SUMF1: variants seen among roughly 807,000 people sequenced by gnomAD.
SUMF1 encodes sulfatase modifying factor 1.
SUMF1 carries 48 observed loss-of-function variants against 47.6 expected under a neutral mutation model. That is an observed-to-expected ratio of 1.01 (90% CI 0.80 to 1.28). SUMF1 has a LOEUF of 1.28. Among genes scored for constraint, SUMF1 ranks in the 50% most tolerant of loss-of-function variants. The pLI, the probability that SUMF1 is intolerant of heterozygous loss-of-function variation, is 0.00. For synonymous variants in SUMF1, 230 were observed against 192.1 expected (o/e 1.20, Z -1.63); for missense variants, 571 against 485.4 (o/e 1.18, Z -1.66).
chr3:4,076,059 C>G (rs368803277), intron 8 of SUMF1, among the ~76,000 whole-genome samples: 2 of 152,088 alleles, frequency 1.3e-5, no homozygotes, highest in East Asian at 3.9e-4. Context: ...AAGAACAAAG[C>G]TGGAGGCATC....
chr3:4,194,810 T>C (rs1695394088), intron 8 of SUMF1, among the ~76,000 whole-genome samples: 1 of 152,154 alleles, frequency 6.6e-6, no homozygotes, highest in Non-Finnish European at 1.5e-5. Context: ...TCAATACAGT[T>C]CCCATATAAT....
chr3:4,096,239 T>C (rs1472885223), intron 8 of SUMF1, among the ~76,000 whole-genome samples: 3 of 152,106 alleles, frequency 2.0e-5, no homozygotes, highest in African/African-American at 7.2e-5. Flanking sequence ...CAGTCGGTCA[T>C]CATGCCTGAG....
In SUMF1 at chr3:4,362,328, T is replaced by C. The variant is rs999768046; in HGVS notation, c.1015-74A>G. Reference sequence around the variant, plus strand: ...AAGGCTCTAACCCATCAGATGCATATTGCACCGGCTGTAGACAGTGCTTCC... The same window carrying C: ...AAGGCTCTAACCCATCAGATGCATACTGCACCGGCTGTAGACAGTGCTTCC... On this transcript the variant is annotated intron_variant, in intron 8 of 8. Transcript: ENST00000272902. The C allele has an allele frequency of 2.3e-5, 28 of 1,230,662 alleles. No individual in the cohort carries two copies. The African/African-American group carries it at 2.4e-4, about 10-fold the overall frequency. The allele number at this position is 1,230,662 out of a possible 1,614,324, so 76.2% of individuals were successfully genotyped here.
intron 8 of SUMF1, among the ~76,000 whole-genome samples, chr3:4,129,736 C>T (rs1232373245): frequency 1.1e-4 from 16 of 152,222 alleles, no homozygotes; most frequent in South Asian, 6.2e-4. Flanking sequence ...TCTGAGCTGA[C>T]GCTGATTCCA....
At chr3:4,381,855 G>C (rs1317358415) in intron 7 of SUMF1, among the ~76,000 whole-genome samples, 1 of 152,188 alleles carries the variant, frequency 6.6e-6, no homozygotes, top group African/African-American at 2.4e-5. Context: ...GACCGGCCTT[G>C]GGCAACATGG....
intron 8 of SUMF1, among the ~76,000 whole-genome samples, chr3:4,167,668 C>A (rs774452970): frequency 6.6e-6 from 1 of 152,152 alleles, no homozygotes; most frequent in Non-Finnish European, 1.5e-5. Flanking sequence ...CCAGGAAGTC[C>A]GGCTGGCTCT....
chr3:4,333,312 C>A (rs1699084785), intron 8 of SUMF1, among the ~76,000 whole-genome samples: 1 of 152,202 alleles, frequency 6.6e-6, no homozygotes, highest in East Asian at 1.9e-4. Context: ...TGCATGTTCC[C>A]CCTCCCATAA....
intron 2 of SUMF1, among the ~76,000 whole-genome samples, chr3:4,451,974 C>T (rs1028989436): frequency 2.0e-5 from 3 of 152,014 alleles, no homozygotes; most frequent in African/African-American, 7.3e-5. Context: ...TGAGCCACCG[C>T]GCCTGGCCCA....
chr3:4,146,968 G>T (rs376842177), intron 8 of SUMF1, among the ~76,000 whole-genome samples: 3 of 152,034 alleles, frequency 2.0e-5, no homozygotes, highest in African/African-American at 7.3e-5. Flanking sequence ...CCAAGTCTTT[G>T]CTATTGTGAA....
Position 4,055,546 on chromosome 3 carries a change from G to C in SUMF1, c.1191+13023C>G, listed in dbSNP as rs983262218. Among the ~76,000 whole-genome samples the C allele has an allele frequency of 1.2e-4, 19 of 152,054 alleles. 1 individual carries two copies. Among genetic ancestry groups the C allele is most frequent in the African/African-American group, 4.6e-4 (19 of 41,398 alleles). ...CACTCCAGTTGGAGTACAATAGAGTGATCATAGCTCACTGTAATCTTGAAC... is the reference window on the plus strand; with the variant it reads ...CACTCCAGTTGGAGTACAATAGAGTCATCATAGCTCACTGTAATCTTGAAC... On this transcript the variant is annotated intron_variant and NMD_transcript_variant, in intron 9 of 12. Coordinates refer to the SUMF1 transcript ENST00000448413.
At chr3:4,113,750 T>C (rs909982853) in intron 8 of SUMF1, among the ~76,000 whole-genome samples, 1 of 151,990 alleles carries the variant, frequency 6.6e-6, no homozygotes, top group Non-Finnish European at 1.5e-5. Context: ...ACAATTACGA[T>C]GTACCACCAC....
At chr3:4,368,089 T>A (rs1366726165) in intron 8 of SUMF1, among the ~76,000 whole-genome samples, 1 of 152,214 alleles carries the variant, frequency 6.6e-6, no homozygotes, top group Non-Finnish European at 1.5e-5. Context: ...CCTACTCATC[T>A]GACAAAGGGC....
At chr3:4,175,435 G>A (rs1268241950) in intron 8 of SUMF1, among the ~76,000 whole-genome samples, 2 of 152,148 alleles carry the variant, frequency 1.3e-5, no homozygotes, top group African/African-American at 4.8e-5. Context: ...CAACAGACCT[G>A]CAGCTGAGGG....
At chr3:4,204,056 A>G (rs1695598743) in intron 8 of SUMF1, among the ~76,000 whole-genome samples, 2 of 152,046 alleles carry the variant, frequency 1.3e-5, no homozygotes, top group South Asian at 4.1e-4. Flanking sequence ...ATTTATCTGT[A>G]TACTTACTAT....
intron 8 of SUMF1, among the ~76,000 whole-genome samples, chr3:4,250,509 C>A (rs965867412): frequency 6.6e-6 from 1 of 151,806 alleles, no homozygotes. Flanking sequence ...GGTAGCGACA[C>A]TGAACAACAG....
chr3:4,246,690 G>A (rs901996479), intron 8 of SUMF1, among the ~76,000 whole-genome samples: 7 of 152,132 alleles, frequency 4.6e-5, no homozygotes, highest in East Asian at 1.9e-4. Flanking sequence ...GTGAGCTACC[G>A]CACCCAGCCT....
chr3:4,082,893 T>C (rs928018680), intron 8 of SUMF1, among the ~76,000 whole-genome samples: 5 of 152,172 alleles, frequency 3.3e-5, no homozygotes, highest in African/African-American at 9.7e-5. Context: ...ATGAAATCTA[T>C]GTCTGTTTAA....
chr3:4,343,848 T>C (rs1248962739), intron 8 of SUMF1, among the ~76,000 whole-genome samples: 1 of 152,172 alleles, frequency 6.6e-6, no homozygotes, highest in African/African-American at 2.4e-5. Context: ...AAGATATAAA[T>C]AGGTACAAAT....
At chr3:4,432,968 A>G (rs539233120) in intron 3 of SUMF1, among the ~76,000 whole-genome samples, 1 of 152,312 alleles carries the variant, frequency 6.6e-6, no homozygotes, top group South Asian at 2.1e-4. Context: ...TCAATTTTAA[A>G]TAGTCTTTCA....
Sources: gnomAD v4.1 joint callset for allele counts (sites outside exome capture counted in the v4.1 genomes callset) on GRCh38, gnomAD v4.1.1 for gene constraint, MANE v1.5 for transcripts, NCBI Gene and HGNC (gene_info 2026-07-23, HGNC 2026-07-21) for gene names.